The following GDPD1 variants were observed in gnomAD, a reference collection of about 807,000 sequenced individuals.
The protein encoded by GDPD1 is lysophospholipase D GDPD1.
A neutral mutation model predicts 45.1 loss-of-function variants in GDPD1; 28 were observed. That is an observed-to-expected ratio of 0.62 (90% CI 0.46 to 0.85). The LOEUF is 0.85. Among genes scored for constraint, GDPD1 ranks in the 40% least tolerant of loss-of-function variants. The probability of loss-of-function intolerance (pLI) is 0.00; values close to 1 mark genes in which losing one functional copy is unlikely to be tolerated. For synonymous variants in GDPD1, 139 were observed against 131.4 expected (o/e 1.06, Z -0.40); for missense variants, 256 against 364.8 (o/e 0.70, Z 2.43).
At position 59,252,010 on chromosome 17, in the gene GDPD1, A is replaced by AAAG. The variant is rs1400512933; in HGVS notation, c.367+3226_367+3227insAGA. On this transcript the variant is annotated intron_variant, in intron 4 of 9. Transcript: ENST00000284116. ...CAGTCTCAAAAAAAAAAAAAAAAAA[A>AAAG]AGAGAAAAGAAAAGAAAACAAGAAA... Among the ~76,000 whole-genome samples the AAAG allele has an allele frequency of 2.7e-5, 4 of 149,978 alleles. No individual in the cohort carries two copies. The East Asian group carries it at 7.9e-4, about 30-fold the overall frequency.
Position 59,220,586 on chromosome 17 carries a change from G to A in GDPD1, c.-24G>A. On this transcript the variant is annotated 5_prime_UTR_variant, in exon 1 of 10. Coordinates refer to ENST00000284116, the MANE Select transcript of GDPD1 (RefSeq NM_182569.4). ...CGGAGTTCAGAGGGCCCGGAGGTGGGAGACTTCCCACACGGTGACTGAGAT... is the reference window on the plus strand; with the variant it reads ...CGGAGTTCAGAGGGCCCGGAGGTGGAAGACTTCCCACACGGTGACTGAGAT... 1.9e-6 allele frequency: 3 copies of A among 1,609,836 alleles called. No homozygotes were observed. The highest frequency in any genetic ancestry group is 1.1e-5 in the South Asian group (1 of 90,616).
At chr17:59,235,888 C>A (rs1166661905) in intron 2 of GDPD1, among the ~76,000 whole-genome samples, 1 of 150,900 alleles carries the variant, frequency 6.6e-6, no homozygotes, top group African/African-American at 2.4e-5. Context: ...AATTTAAATA[C>A]TTTATTTATT....
At chr17:59,223,298 C>T (rs1427687956) in intron 1 of GDPD1, among the ~76,000 whole-genome samples, 2 of 152,118 alleles carry the variant, frequency 1.3e-5, no homozygotes, top group African/African-American at 2.4e-5. Context: ...TAAATATCTG[C>T]AGACTCAAAA....
intron 4 of GDPD1, among the ~76,000 whole-genome samples, chr17:59,255,834 T>C (rs371972481): frequency 9.3e-5 from 2 of 21,528 alleles, no homozygotes; most frequent in Non-Finnish European, 8.1e-5. Context: ...TATACGCGTA[T>C]ATATATATAT....
chr17:59,272,602 G>C (rs2047452280), intron 8 of GDPD1, among the ~76,000 whole-genome samples, 183 bp from the exon 9 acceptor site: 2 of 152,210 alleles, frequency 1.3e-5, no homozygotes, highest in South Asian at 4.1e-4. Flanking sequence ...CCAGCAGCCT[G>C]CAGTGAAAGG....
intron 4 of GDPD1, among the ~76,000 whole-genome samples, chr17:59,255,852 C>CACATATATATATACGCGTATATATATAT (rs2047302730): frequency 1.4e-5 from 1 of 72,818 alleles, no homozygotes; most frequent in African/African-American, 9.0e-5. Context: ...TATATATATA[C>CACATATATATATACGCGTATATATATAT]ACACGTATAT....
chr17:59,225,480 A>T (rs1197396758), intron 1 of GDPD1, among the ~76,000 whole-genome samples: 2 of 152,016 alleles, frequency 1.3e-5, no homozygotes, highest in African/African-American at 4.8e-5. Flanking sequence ...TGATCACTTG[A>T]TGAGGTGGTG....
At chr17:59,255,395 G>A (rs1042677952) in intron 4 of GDPD1, among the ~76,000 whole-genome samples, 2 of 151,536 alleles carry the variant, frequency 1.3e-5, no homozygotes, top group African/African-American at 4.9e-5. Context: ...GAGATCAGAA[G>A]TTCAAGACCA....
rs560340531 is a variant in GDPD1, at chr17:59,239,792, A to G, written c.185+5258A>G. Among the ~76,000 whole-genome samples, 7 of 150,824 alleles carry G rather than the reference A, an allele frequency of 4.6e-5. 1 individual carries two copies. The South Asian group carries it at 1.5e-3, about 32-fold the overall frequency. On this transcript the variant is annotated intron_variant, in intron 2 of 9. Coordinates refer to ENST00000284116, the MANE Select transcript of GDPD1 (RefSeq NM_182569.4). ...TTTTTTTTTTAATTGCCAGCATAGGACACACTGTTTTTTTTTTTTTAACCT... is the reference window on the plus strand; with the variant it reads ...TTTTTTTTTTAATTGCCAGCATAGGGCACACTGTTTTTTTTTTTTTAACCT...
intron 5 of GDPD1, 122 bp downstream of exon 5, chr17:59,257,362 A>G (rs1002618265): frequency 8.2e-6 from 5 of 608,238 alleles, no homozygotes; most frequent in African/African-American, 1.9e-5. Context: ...AGGGATCAGC[A>G]TTGTTTTAAA....
intron 1 of GDPD1, among the ~76,000 whole-genome samples, chr17:59,221,968 A>G (rs184778079): frequency 3.5e-4 from 54 of 152,302 alleles, no homozygotes; most frequent in African/African-American, 1.2e-3. Context: ...AGTGACTTCA[A>G]TAGTATTCTA....
intron 6 of GDPD1, among the ~76,000 whole-genome samples, chr17:59,264,440 C>A (rs2047383182): frequency 6.6e-6 from 1 of 151,948 alleles, no homozygotes; most frequent in Non-Finnish European, 1.5e-5. Flanking sequence ...ATTACAGGTG[C>A]CTGCCATCAC....
At chr17:59,257,629 A>C (rs996635282) in intron 5 of GDPD1, 122 bp from the exon 6 acceptor site, 3 of 633,858 alleles carry the variant, frequency 4.7e-6, no homozygotes, top group Non-Finnish European at 5.6e-6. Context: ...TTACATATTG[A>C]TTCTTCCAAA....
intron 1 of GDPD1, among the ~76,000 whole-genome samples, chr17:59,227,401 G>A (rs768125711): frequency 3.3e-5 from 5 of 151,160 alleles, no homozygotes. Context: ...CCTGAGCGAC[G>A]GAGCAAGATT....
At position 59,230,370 on chromosome 17, in the gene GDPD1, A is replaced by ATTTTTTT. The variant is rs942416287; in HGVS notation, c.143-4098_143-4092dup. ...GAATATTGAACAGGCCAGTTGTAGAATTTTTTTTTTTTTTTTTTTTTTTTT... is the reference window on the plus strand; with the variant it reads ...GAATATTGAACAGGCCAGTTGTAGAATTTTTTTTTTTTTTTTTTTTTTTTTTTTTTTT... On this transcript the variant is annotated intron_variant, in intron 1 of 9. Transcript: ENST00000284116. Among the ~76,000 whole-genome samples, 51 of 80,076 alleles carry ATTTTTTT rather than the reference A, an allele frequency of 6.4e-4. 2 individuals are homozygous for ATTTTTTT. The highest frequency in any genetic ancestry group is 8.5e-4 in the Non-Finnish European group (39 of 45,800). 52.5% of individuals were successfully genotyped at this position (80,076 alleles called of 152,430 possible).
intron 1 of GDPD1, among the ~76,000 whole-genome samples, chr17:59,221,419 CTTTTTT>C (rs36143328): frequency 1.6e-5 from 2 of 126,890 alleles, no homozygotes; most frequent in African/African-American, 5.9e-5. Flanking sequence ...AACCTTGCAT[CTTTTTT>C]TTTTTTTTTT....
chr17:59,232,545 C>G (rs2047099480), intron 1 of GDPD1, among the ~76,000 whole-genome samples: 1 of 151,906 alleles, frequency 6.6e-6, no homozygotes, highest in Admixed American at 6.6e-5. Context: ...CATTAATTGA[C>G]CAATGGTGAA....
chr17:59,266,149 G>A (rs559408973), intron 6 of GDPD1, among the ~76,000 whole-genome samples: 160 of 152,092 alleles, frequency 1.1e-3, no homozygotes, highest in African/African-American at 3.3e-3. Context: ...CACTTTGGGA[G>A]GCCAAGGTGG....
At position 59,275,164 on chromosome 17, in the gene GDPD1, A is replaced by C. The variant is rs1265401802; in HGVS notation, c.*1391A>C. On this transcript the variant is annotated 3_prime_UTR_variant, in exon 10 of 10. Transcript: ENST00000284116. Reference sequence around the variant, plus strand: ...GCCAGTAAAAGAAATTTTGAAGGCCATTGCAGCTATTTGGTAGTGTCTTGT... The same window carrying C: ...GCCAGTAAAAGAAATTTTGAAGGCCCTTGCAGCTATTTGGTAGTGTCTTGT... 2.0e-6 allele frequency: 3 copies of C among 1,537,232 alleles called. No homozygotes were observed. The highest frequency in any genetic ancestry group is 2.0e-5 in the Admixed American group (1 of 50,970).
Sources: gnomAD v4.1 joint callset for allele counts (sites outside exome capture counted in the v4.1 genomes callset) on GRCh38, gnomAD v4.1.1 for gene constraint, MANE v1.5 for transcripts, NCBI Gene and HGNC (gene_info 2026-07-23, HGNC 2026-07-21) for gene names.